SETBP1: variants seen among roughly 807,000 people sequenced by gnomAD.
SETBP1 encodes the protein SET-binding protein.
In SETBP1, 9 loss-of-function variants were observed where a neutral mutation model predicts 101.0. The observed-to-expected ratio is 0.09, with a 90% CI of 0.05 to 0.16. SETBP1 has a LOEUF of 0.16. Among genes scored for constraint, SETBP1 ranks in the 10% least tolerant of loss-of-function variants. The pLI is 1.00. For synonymous variants in SETBP1, 818 were observed against 788.5 expected (o/e 1.04, Z -0.63); for missense variants, 1,858 against 2,033.8 (o/e 0.91, Z 1.66).
At chr18:45,024,383 CTTCT>C (rs1034209141) in intron 4 of SETBP1, among the ~76,000 whole-genome samples, 15 of 152,230 alleles carry the variant, frequency 9.9e-5, no homozygotes, top group African/African-American at 3.6e-4. Context: ...TCCTGAAATG[CTTCT>C]TTCTTTTTTA....
At chr18:44,939,128 T>C (rs2071028831) in intron 3 of SETBP1, among the ~76,000 whole-genome samples, 1 of 152,068 alleles carries the variant, frequency 6.6e-6, no homozygotes, top group Admixed American at 6.6e-5. Flanking sequence ...AATATGAAGT[T>C]CAAAGAGTAT....
At chr18:44,876,942 G>A in intron 3 of SETBP1, 1 of 1,318,006 alleles carries the variant, frequency 7.6e-7, no homozygotes. Flanking sequence ...TCACAATGCT[G>A]CCCTGAAGAG....
intron 2 of SETBP1, among the ~76,000 whole-genome samples, chr18:44,729,136 A>G (rs764201049): frequency 6.6e-5 from 10 of 152,220 alleles, no homozygotes; most frequent in Non-Finnish European, 1.5e-4. Flanking sequence ...ATTGGAACCC[A>G]TGAAATCTGG....
rs538634821 is a variant in SETBP1, at chr18:44,943,334, C to T, written c.541-6547C>T. On this transcript the variant is annotated intron_variant, in intron 3 of 5. Transcript: ENST00000649279. ...TAAAAGGAAGGTCTGAAACATTTTT[C>T]TTGCCCCATTCACTGGCTACAGTTC... 9.8e-5 allele frequency among the ~76,000 whole-genome samples: 15 copies of T among 152,338 alleles called. No individual in the cohort carries two copies. In the South Asian group the frequency reaches 3.1e-3, roughly 32 times the overall value.
chr18:44,814,995 G>A (rs1401008697), intron 2 of SETBP1, among the ~76,000 whole-genome samples: 2 of 152,150 alleles, frequency 1.3e-5, no homozygotes, highest in Non-Finnish European at 2.9e-5. Flanking sequence ...AATATCATAA[G>A]CATATTGTTG....
intron 4 of SETBP1, among the ~76,000 whole-genome samples, chr18:45,025,933 G>T (rs769536723): frequency 6.6e-6 from 1 of 152,178 alleles, no homozygotes; most frequent in African/African-American, 2.4e-5. Flanking sequence ...TTATGTGCAC[G>T]CATGCACTAA....
chr18:44,698,482 C>A (rs945470575), intron 1 of SETBP1, among the ~76,000 whole-genome samples: 1 of 152,174 alleles, frequency 6.6e-6, no homozygotes, highest in African/African-American at 2.4e-5. Context: ...TACTTCCTAG[C>A]CAAACATCAA....
chr18:44,905,022 G>A (rs1440978327), intron 3 of SETBP1, among the ~76,000 whole-genome samples: 3 of 152,158 alleles, frequency 2.0e-5, no homozygotes, highest in Non-Finnish European at 2.9e-5. Context: ...ACCTCCGACA[G>A]GAAGTTTTAG....
intron 1 of SETBP1, among the ~76,000 whole-genome samples, chr18:44,682,656 G>A (rs1239254772): frequency 6.6e-6 from 1 of 152,156 alleles, no homozygotes; most frequent in African/African-American, 2.4e-5. Flanking sequence ...CAGAGTGTTT[G>A]GGGGAAAGTC....
At position 44,954,887 on chromosome 18, in the gene SETBP1, G is replaced by C. The variant is rs75378899; in HGVS notation, c.4000+1547G>C. Among the ~76,000 whole-genome samples, 1,490 of 152,268 alleles carry C rather than the reference G, an allele frequency of 9.8e-3. 12 individuals are homozygous for C. The highest frequency in any genetic ancestry group is 0.029 in the African/African-American group (1,204 of 41,560). On this transcript the variant is annotated intron_variant, in intron 4 of 5. Coordinates refer to ENST00000649279, the MANE Select transcript of SETBP1 (RefSeq NM_015559.3). ...GACCTTGCATGACATGTGAGAAACT[G>C]ATCTCTTTCAGCATGATGAAACTGA...
intron 2 of SETBP1, among the ~76,000 whole-genome samples, chr18:44,787,231 T>C (rs1267830804): frequency 6.6e-6 from 1 of 152,184 alleles, no homozygotes; most frequent in African/African-American, 2.4e-5. Context: ...TTTATGGTGA[T>C]ATAGCTTAAT....
chr18:44,838,075 T>A (rs1341272776), intron 2 of SETBP1, among the ~76,000 whole-genome samples: 1 of 152,182 alleles, frequency 6.6e-6, no homozygotes, highest in African/African-American at 2.4e-5. Flanking sequence ...ATGAAGATGA[T>A]CCCAGGCTTA....
chr18:44,725,413 G>A (rs1207980765), intron 2 of SETBP1, among the ~76,000 whole-genome samples: 1 of 152,116 alleles, frequency 6.6e-6, no homozygotes, highest in African/African-American at 2.4e-5. Context: ...GGGGGTGTGT[G>A]TGGAGGGGCA....
At chr18:45,013,501 G>A (rs968162941) in intron 4 of SETBP1, among the ~76,000 whole-genome samples, 18 of 151,764 alleles carry the variant, frequency 1.2e-4, no homozygotes, top group African/African-American at 7.3e-5. Context: ...GTGCAGTGGT[G>A]TGACCTGGGC....
intron 3 of SETBP1, among the ~76,000 whole-genome samples, chr18:44,933,428 A>G (rs1020997235): frequency 1.3e-5 from 2 of 152,198 alleles, no homozygotes; most frequent in Admixed American, 6.5e-5. Context: ...CGGTCTGTCC[A>G]TTCTCAGATC....
At chr18:44,904,006 T>C (rs900137288) in intron 3 of SETBP1, among the ~76,000 whole-genome samples, 3 of 152,216 alleles carry the variant, frequency 2.0e-5, no homozygotes, top group Non-Finnish European at 4.4e-5. Flanking sequence ...TTCTAGTTCT[T>C]ATTATCTTAC....
At chr18:44,723,034 T>C (rs199616515) in intron 2 of SETBP1, among the ~76,000 whole-genome samples, 1 of 152,194 alleles carries the variant, frequency 6.6e-6, no homozygotes, top group African/African-American at 2.4e-5. Context: ...TTGAAAATTT[T>C]TGGGTGTGAA....
At position 44,951,689 on chromosome 18, in the gene SETBP1, A is replaced by G; in HGVS notation, c.2349A>G (p.Leu783=). The G allele has an allele frequency of 6.2e-7, 1 of 1,614,212 alleles. No individual in the cohort carries two copies. The highest frequency in any genetic ancestry group is 1.1e-5 in the South Asian group (1 of 91,084). Residue 783 remains leucine (L), a synonymous_variant, in exon 4 of 6, where the codon TTA becomes TTG. Transcript: ENST00000649279. The surrounding 1 kb of genome is among the most constrained non-coding windows in gnomAD (Gnocchi z 7.8). Reference sequence around the variant, plus strand: ...CTATGCACCCACTTTCAACACAGTTAGGTGGGTCCAATGGCAACCTGAGCC... The same window carrying G: ...CTATGCACCCACTTTCAACACAGTTGGGTGGGTCCAATGGCAACCTGAGCC... The part of the protein sequence containing the change: ...PAAMHPLSTQ[L]GGSNGNLSPA...
intron 2 of SETBP1, among the ~76,000 whole-genome samples, chr18:44,805,796 C>A (rs1194977583): frequency 6.6e-6 from 1 of 152,108 alleles, no homozygotes; most frequent in Non-Finnish European, 1.5e-5. Flanking sequence ...GTTTGGGCAT[C>A]CAAAGAGAGC....
Sources: allele counts gnomAD v4.1 joint callset (sites outside exome capture counted in the v4.1 genomes callset), GRCh38; gene constraint gnomAD v4.1.1; non-coding constraint Gnocchi (gnomAD v3.1); transcripts MANE v1.5; gene names NCBI Gene and HGNC (gene_info 2026-07-23, HGNC 2026-07-21).